LOC400499: variants seen among roughly 807,000 people sequenced by gnomAD.
chr16:11,415,130 C>T, the LOC400499 span, among the ~76,000 whole-genome samples: 2 of 152,220 alleles, frequency 1.3e-5, no homozygotes, highest in Non-Finnish European at 2.9e-5. Flanking sequence ...CGGCCACTGA[C>T]ATCCACCTGC....
At chr16:11,499,987 A>G in the LOC400499 span, among the ~76,000 whole-genome samples, 1 of 152,132 alleles carries the variant, frequency 6.6e-6, no homozygotes, top group Admixed American at 6.5e-5. Context: ...TCATAGAGAC[A>G]CCTCAAGGGT....
At chr16:11,450,518 C>T in the LOC400499 span, 2 of 1,286,918 alleles carry the variant, frequency 1.6e-6, no homozygotes, top group Non-Finnish European at 2.1e-6. Flanking sequence ...TGCTATCTGC[C>T]CACAGACCTC....
chr16:11,423,935 C>A, the LOC400499 span, among the ~76,000 whole-genome samples: 1 of 152,196 alleles, frequency 6.6e-6, no homozygotes, highest in Admixed American at 6.5e-5. Flanking sequence ...CAGCCCCTGG[C>A]GGCCACCCTC....
chr16:11,467,336 G>C, the LOC400499 span: 1 of 151,598 alleles, frequency 6.6e-6, no homozygotes, highest in African/African-American at 2.4e-5. Context: ...GAAACTGGGA[G>C]TGGAGGCTCA....
chr16:11,450,763 C>T, the LOC400499 span: 1 of 1,536,072 alleles, frequency 6.5e-7, no homozygotes, highest in African/African-American at 1.4e-5. Flanking sequence ...TCGGTGTGGC[C>T]AGTATAGCCT....
chr16:11,523,443 G>T, the LOC400499 span: 3 of 398,636 alleles, frequency 7.5e-6, no homozygotes, highest in Non-Finnish European at 1.3e-5. Flanking sequence ...CATGCAGGAG[G>T]CCACCTGCCC....
the LOC400499 span, among the ~76,000 whole-genome samples, chr16:11,483,813 T>C: frequency 6.6e-6 from 1 of 151,756 alleles, no homozygotes; most frequent in South Asian, 2.1e-4. Flanking sequence ...GGGCAAAGGT[T>C]GCAATGAGCC....
chr16:11,412,707 G>GA, the LOC400499 span: 1 of 395,972 alleles, frequency 2.5e-6, no homozygotes, highest in African/African-American at 2.1e-5. Context: ...TGGCCTCTCT[G>GA]AGCCTCCCTG....
At chr16:11,502,860 C>T in the LOC400499 span, among the ~76,000 whole-genome samples, 12 of 150,068 alleles carry the variant, frequency 8.0e-5, no homozygotes, top group South Asian at 4.2e-4. Context: ...GTGATCTGCC[C>T]GCCTCGGCCT....
chr16:11,375,571 C>T, the LOC400499 span, among the ~76,000 whole-genome samples: 1 of 151,156 alleles, frequency 6.6e-6, no homozygotes, highest in Non-Finnish European at 1.5e-5. Context: ...CCTTGGCTTC[C>T]CAAAGTGCTG....
the LOC400499 span, among the ~76,000 whole-genome samples, chr16:11,416,354 G>A: frequency 6.6e-6 from 1 of 152,134 alleles, no homozygotes. Flanking sequence ...ATCTATATGG[G>A]GGTCAGAGGA....
chr16:11,385,162 T>C, the LOC400499 span: 4 of 1,230,832 alleles, frequency 3.2e-6, no homozygotes, highest in Non-Finnish European at 4.1e-6. Flanking sequence ...TGGGCACAGG[T>C]CTCCAGGGGA....
At chr16:11,499,393 G>A in the LOC400499 span, among the ~76,000 whole-genome samples, 2 of 151,642 alleles carry the variant, frequency 1.3e-5, no homozygotes, top group Non-Finnish European at 2.9e-5. Context: ...AGGGAGATGG[G>A]CTAAGCCCAG....
chr16:11,391,393 C>T, the LOC400499 span, among the ~76,000 whole-genome samples: 4 of 152,152 alleles, frequency 2.6e-5, no homozygotes, highest in East Asian at 3.9e-4. Context: ...AGAAAGCAGG[C>T]GGGAGACTGA....
chr16:11,392,313 T>A, the LOC400499 span: 1 of 398,836 alleles, frequency 2.5e-6, no homozygotes, highest in Non-Finnish European at 4.4e-6. Context: ...CCAGGCCCTC[T>A]CACCTCCACA....
At chr16:11,425,296 C>G in the LOC400499 span, 1 of 399,068 alleles carries the variant, frequency 2.5e-6, no homozygotes, top group East Asian at 3.6e-5. Context: ...AGCTGGAGCT[C>G]TCCAGGCAAG....
chr16:11,446,726 G>C, the LOC400499 span: 2 of 1,534,016 alleles, frequency 1.3e-6, no homozygotes, highest in African/African-American at 2.7e-5. Context: ...CCCCTTCCGG[G>C]CTATGCCCCA....
At chr16:11,380,810 T>C in the LOC400499 span, 7 of 152,196 alleles carry the variant, frequency 4.6e-5, no homozygotes, top group African/African-American at 1.7e-4. Context: ...GTTTTGTTGA[T>C]GGCTGACGTA....
chr16:11,407,392 G>A, the LOC400499 span: 1 of 397,980 alleles, frequency 2.5e-6, no homozygotes, highest in Non-Finnish European at 4.4e-6. Flanking sequence ...CCTCATCAGG[G>A]CTCTGATGGA....
Sources: allele counts gnomAD v4.1 joint callset (sites outside exome capture counted in the v4.1 genomes callset), GRCh38; gene constraint gnomAD v4.1.1; transcripts MANE v1.5.